Variants in CNTNAP3B observed in about 807,000 individuals in gnomAD.
The protein encoded by CNTNAP3B is contactin-associated protein-like 3B.
Under a neutral mutation model 108.9 loss-of-function variants are expected in CNTNAP3B, and 25 were observed. The ratio of observed to expected loss-of-function variants is 0.23; its 90% CI spans 0.17 to 0.32. CNTNAP3B has a LOEUF of 0.32. CNTNAP3B is among the 10% of genes least tolerant of loss of function. The pLI, the probability that CNTNAP3B is intolerant of heterozygous loss-of-function variation, is 1.00. For missense variants in CNTNAP3B, 252 were observed against 1,210.4 expected (o/e 0.21, Z 11.75); for synonymous variants, 103 against 473.4 (o/e 0.22, Z 10.16).
chr9:41,928,030 A>G, intron 15 of CNTNAP3B, among the ~76,000 whole-genome samples: 1 of 152,058 alleles, frequency 6.6e-6, no homozygotes, highest in Non-Finnish European at 1.5e-5. Context: ...CAAAATAAGC[A>G]TATTTCATTT....
intron 15 of CNTNAP3B, among the ~76,000 whole-genome samples, chr9:41,928,012 A>G (rs1222357478): frequency 6.6e-6 from 1 of 151,174 alleles, no homozygotes; most frequent in Non-Finnish European, 1.5e-5. Flanking sequence ...AGAACAGAAT[A>G]TTTCGGTCAA....
intron 13 of CNTNAP3B, among the ~76,000 whole-genome samples, chr9:41,941,275 GA>G (rs558462641): frequency 2.1e-5 from 3 of 145,158 alleles, no homozygotes; most frequent in Non-Finnish European, 4.5e-5. Flanking sequence ...AGAATCAACT[GA>G]AAAAAAAATA....
At chr9:42,029,355 C>T (rs1237840946) in intron 3 of CNTNAP3B, among the ~76,000 whole-genome samples, 2 of 129,274 alleles carry the variant, frequency 1.5e-5, no homozygotes, top group Non-Finnish European at 3.2e-5. Flanking sequence ...CATCAGTGCA[C>T]AATTACAAGT....
At chr9:41,939,805 G>C (rs1242142993) in intron 13 of CNTNAP3B, among the ~76,000 whole-genome samples, 2 of 152,228 alleles carry the variant, frequency 1.3e-5, no homozygotes, top group Non-Finnish European at 1.5e-5. Flanking sequence ...AAAGATGTAA[G>C]TGGGTGAACT....
rs1294221669 is a variant in CNTNAP3B, at chr9:42,118,338, G to A, written c.85+10672C>T. 2.7e-4 allele frequency among the ~76,000 whole-genome samples: 38 copies of A among 139,498 alleles called. 8 individuals are homozygous for A. Among genetic ancestry groups the A allele is most frequent in the African/African-American group, 8.5e-4 (30 of 35,286 alleles). 91.5% of individuals were successfully genotyped at this position (139,498 alleles called of 152,430 possible). A position where few individuals can be genotyped will look rare whatever the true frequency, so the allele number is the denominator to read the frequency against. On this transcript the variant is annotated intron_variant, in intron 1 of 23. Coordinates refer to ENST00000377561, the MANE Select transcript of CNTNAP3B (RefSeq NM_001201380.3). ...AAAAGCTTATCCACCATGATCAAGC[G>A]GGCTTCAGCCCTGGGACGCAAGGCT...
At chr9:42,003,399 GA>G (rs200598648) in intron 4 of CNTNAP3B, among the ~76,000 whole-genome samples, 20,652 of 56,472 alleles carry the variant, frequency 0.37, 4,217 homozygotes, top group Middle Eastern at 0.57. Flanking sequence ...TCTTACAAAA[GA>G]AAAAAAAAAA....
At chr9:42,107,618 G>A (rs1244422388) in intron 1 of CNTNAP3B, among the ~76,000 whole-genome samples, 1 of 127,026 alleles carries the variant, frequency 7.9e-6, no homozygotes, top group African/African-American at 3.2e-5. Context: ...GCATCTGTCT[G>A]CCAAAGAGTC....
intron 14 of CNTNAP3B, among the ~76,000 whole-genome samples, chr9:41,936,135 C>T (rs1157895632): frequency 6.6e-6 from 1 of 152,300 alleles, no homozygotes; most frequent in Non-Finnish European, 1.5e-5. Context: ...CAAAAATTAG[C>T]CAGGTGTGGC....
chr9:41,982,907 G>GA (rs1825659571), intron 9 of CNTNAP3B, among the ~76,000 whole-genome samples: 1 of 136,558 alleles, frequency 7.3e-6, no homozygotes, highest in Non-Finnish European at 1.5e-5. Flanking sequence ...GATGGAGCTG[G>GA]AGGCCATTAT....
rs555111518 is a variant in CNTNAP3B at position 42,062,837 on chromosome 9, C to A, written c.390+14032G>T. ...AGTACAGGTTTTTGCTTTGTGGTTA[C>A]CAGGAGGCTGACATAAAATATCTTA... is the stretch of plus-strand genomic sequence containing the variant. On this transcript the variant is annotated intron_variant, in intron 3 of 23. Coordinates refer to ENST00000377561, the MANE Select transcript of CNTNAP3B (RefSeq NM_001201380.3). Among the ~76,000 whole-genome samples the A allele has an allele frequency of 1.6e-4, 15 of 94,264 alleles. 6 individuals are homozygous for A. The highest frequency in any genetic ancestry group is 6.0e-4 in the African/African-American group (15 of 25,100). The allele number at this position is 94,264 out of a possible 152,430, so 61.8% of individuals were successfully genotyped here. A position where few individuals can be genotyped will look rare whatever the true frequency, so the allele number is the denominator to read the frequency against.
rs1285146161 is a variant in CNTNAP3B, at chr9:41,977,833, G to A, written c.1478-7588C>T. ...TTTTTAGTAGAGACGGGGTTTCACCGTGTTAGCCAGGATGGTCTCGATCTC... is the reference window on the plus strand; with the variant it reads ...TTTTTAGTAGAGACGGGGTTTCACCATGTTAGCCAGGATGGTCTCGATCTC... On this transcript the variant is annotated intron_variant, in intron 9 of 23. Transcript: ENST00000377561. Among the ~76,000 whole-genome samples the A allele has an allele frequency of 7.3e-4, 98 of 134,806 alleles. 1 individual carries two copies. Among genetic ancestry groups the A allele is most frequent in the African/African-American group, 2.6e-3 (89 of 34,000 alleles). The allele number at this position is 134,806 out of a possible 152,430, so 88.4% of individuals were successfully genotyped here. A position where few individuals can be genotyped will look rare whatever the true frequency, so the allele number is the denominator to read the frequency against.
rs1379248354 is a variant in CNTNAP3B, at chr9:42,120,578, T to C, written c.85+8432A>G. On this transcript the variant is annotated intron_variant, in intron 1 of 23. Transcript: ENST00000377561. ...GCAAGACTTGGAACCAACCCAAATGTCAATCAATGATAGACTGGATTAAGA... is the reference window on the plus strand; with the variant it reads ...GCAAGACTTGGAACCAACCCAAATGCCAATCAATGATAGACTGGATTAAGA... Among the ~76,000 whole-genome samples the C allele has an allele frequency of 4.3e-5, 6 of 137,964 alleles. 2 individuals are homozygous for C. Among genetic ancestry groups the C allele is most frequent in the African/African-American group, 1.7e-4 (6 of 34,502 alleles). The allele number at this position is 137,964 out of a possible 152,430, so 90.5% of individuals were successfully genotyped here.
At chr9:42,098,930 C>A (rs1344360313) in intron 2 of CNTNAP3B, among the ~76,000 whole-genome samples, 1 of 133,748 alleles carries the variant, frequency 7.5e-6, no homozygotes, top group Non-Finnish European at 1.6e-5. Context: ...CAGCCTGATA[C>A]CTGGGCAAAT....
chr9:41,947,589 G>A (rs1824563333), intron 13 of CNTNAP3B, among the ~76,000 whole-genome samples: 1 of 152,118 alleles, frequency 6.6e-6, no homozygotes, highest in African/African-American at 2.4e-5. Context: ...TAGGAAAGAA[G>A]AAAGCCCTAA....
chr9:42,071,355 A>T (rs1362008065), intron 3 of CNTNAP3B, among the ~76,000 whole-genome samples: 1 of 142,584 alleles, frequency 7.0e-6, no homozygotes, highest in Admixed American at 7.0e-5. Context: ...ATAGGGGAAA[A>T]TTTCAGAAAT....
rs565401817 is a variant in CNTNAP3B at position 42,043,109 on chromosome 9, C to T, written c.391-29584G>A. Among the ~76,000 whole-genome samples, 170 of 141,350 alleles carry T rather than the reference C, an allele frequency of 1.2e-3. 6 individuals are homozygous for T. Among genetic ancestry groups the T allele is most frequent in the African/African-American group, 4.4e-3 (160 of 36,200 alleles). 92.7% of individuals were successfully genotyped at this position (141,350 alleles called of 152,430 possible). A position where few individuals can be genotyped will look rare whatever the true frequency, so the allele number is the denominator to read the frequency against. On this transcript the variant is annotated intron_variant, in intron 3 of 23. Coordinates refer to ENST00000377561, the MANE Select transcript of CNTNAP3B (RefSeq NM_001201380.3). ...TCATGACAACCATAATCAACTTCAC[C>T]CAAATTTGTCTGAAATGCATGATTC...
intron 10 of CNTNAP3B, among the ~76,000 whole-genome samples, chr9:41,967,122 G>T (rs1302086889): frequency 6.7e-6 from 1 of 148,782 alleles, no homozygotes; most frequent in East Asian, 1.9e-4. Flanking sequence ...AGGATTTTTA[G>T]GTGTGGTATT....
In CNTNAP3B at chr9:42,002,778, G is replaced by A. The variant is rs1180891940; in HGVS notation, c.539-4174C>T. Among the ~76,000 whole-genome samples, 5 of 133,574 alleles carry A rather than the reference G, an allele frequency of 3.7e-5. 1 individual carries two copies. The highest frequency in any genetic ancestry group is 1.5e-4 in the African/African-American group (5 of 33,120). The allele number at this position is 133,574 out of a possible 152,430, so 87.6% of individuals were successfully genotyped here. ...ATGACTTCTAAGAAAGGATAAGGAA[G>A]GAGTCTACCTTCTTTAGACTCCTGC... On this transcript the variant is annotated intron_variant, in intron 4 of 23. Coordinates refer to ENST00000377561, the MANE Select transcript of CNTNAP3B (RefSeq NM_001201380.3).
At chr9:42,120,977 T>C (rs1274314068) in intron 1 of CNTNAP3B, among the ~76,000 whole-genome samples, 2 of 138,334 alleles carry the variant, frequency 1.4e-5, no homozygotes, top group Non-Finnish European at 3.1e-5. Flanking sequence ...ATAATAATAA[T>C]AAAATAATAA....
Sources: gnomAD v4.1 joint callset for allele counts (sites outside exome capture counted in the v4.1 genomes callset) on GRCh38, gnomAD v4.1.1 for gene constraint, MANE v1.5 for transcripts, NCBI Gene and HGNC (gene_info 2026-07-23, HGNC 2026-07-21) for gene names.